Variants in KLHL5 observed in about 807,000 individuals in gnomAD.
KLHL5 encodes the protein kelch like family member 5.
Under a neutral mutation model 77.7 loss-of-function variants are expected in KLHL5, and 48 were observed. That is an observed-to-expected ratio of 0.62 (90% CI 0.49 to 0.79). The LOEUF (loss-of-function observed/expected upper bound fraction) is 0.79, where lower values mean the gene tolerates loss of function less well. Ranked by LOEUF, KLHL5 falls within the 30% of genes least tolerant of loss-of-function variation. The probability of loss-of-function intolerance (pLI) is 0.00; values close to 1 mark genes in which losing one functional copy is unlikely to be tolerated. For synonymous variants in KLHL5, 260 were observed against 297.0 expected (o/e 0.88, Z 1.28); for missense variants, 723 against 859.7 (o/e 0.84, Z 1.99).
chr4:39,141,465 C>T, the KLHL5 span, among the ~76,000 whole-genome samples: 2 of 151,956 alleles, frequency 1.3e-5, no homozygotes, highest in African/African-American at 2.4e-5. Context: ...CCCGCCACCA[C>T]GCCAGGCTAA....
Position 39,083,403 on chromosome 4 carries a change from C to T in KLHL5, c.900+1244C>T, listed in dbSNP as rs141323001. ...AGAAAATTATGGGAGGGAACAAAAG[C>T]ACTCACAAAACCACAGCCTTTAATG... On this transcript the variant is annotated intron_variant, in intron 4 of 10. Transcript: ENST00000504108. 9.4e-4 allele frequency among the ~76,000 whole-genome samples: 143 copies of T among 152,214 alleles called. 1 individual carries two copies. Among genetic ancestry groups the T allele is most frequent in the African/African-American group, 3.2e-3 (132 of 41,530 alleles).
chr4:39,050,417 G>A (rs1176461933), intron 1 of KLHL5, among the ~76,000 whole-genome samples: 1 of 152,196 alleles, frequency 6.6e-6, no homozygotes, highest in East Asian at 1.9e-4. Flanking sequence ...ATAACAGAAA[G>A]CTAGGAGCTA....
intron 1 of KLHL5, among the ~76,000 whole-genome samples, chr4:39,052,124 GTTA>G (rs1409684642): frequency 6.6e-6 from 1 of 151,674 alleles, no homozygotes; most frequent in Non-Finnish European, 1.5e-5. Context: ...TATTATTATT[GTTA>G]TTATTATTTT....
chr4:39,044,956 G>A, upstream of KLHL5: 1 of 844,078 alleles, frequency 1.2e-6, no homozygotes, highest in Non-Finnish European at 1.3e-6. Context: ...CGGGGATGAG[G>A]CTGCCCGGAC....
chr4:39,116,665 G>A (rs34803689), intron 10 of KLHL5, among the ~76,000 whole-genome samples: 79,450 of 151,544 alleles, frequency 0.52, 21,406 homozygotes, highest in Non-Finnish European at 0.59. Context: ...AAGTATGACT[G>A]GTTATAGGAT....
In KLHL5 at chr4:39,049,371, T is replaced by C. The variant is rs28498247; in HGVS notation, c.-95+4275T>C. 9.6e-3 allele frequency among the ~76,000 whole-genome samples: 1,467 copies of C among 152,314 alleles called. 31 individuals are homozygous for C. The highest frequency in any genetic ancestry group is 0.033 in the African/African-American group (1,377 of 41,558). On this transcript the variant is annotated intron_variant, in intron 1 of 11. Coordinates refer to the KLHL5 transcript ENST00000261425. ...TCATTCTTTTTAAATTGTATGTCCATTCAATAAACATTTGTTGAATGTGTA... is the reference window on the plus strand; with the variant it reads ...TCATTCTTTTTAAATTGTATGTCCACTCAATAAACATTTGTTGAATGTGTA...
chr4:39,080,957 A>G (rs1298685818), intron 2 of KLHL5, 146 bp from the exon 3 acceptor site: 3 of 694,390 alleles, frequency 4.3e-6, no homozygotes, highest in Non-Finnish European at 4.5e-6. Flanking sequence ...GGAAGGAACT[A>G]GAGCATAAAG....
At chr4:39,104,832 C>T (rs926947718) in intron 7 of KLHL5, among the ~76,000 whole-genome samples, 1 of 151,608 alleles carries the variant, frequency 6.6e-6, no homozygotes, top group Non-Finnish European at 1.5e-5. Flanking sequence ...GTGGCACAAT[C>T]TCGGCTCACT....
At chr4:39,090,287 A>G (rs1214586243) in intron 5 of KLHL5, among the ~76,000 whole-genome samples, 1 of 152,176 alleles carries the variant, frequency 6.6e-6, no homozygotes, top group African/African-American at 2.4e-5. Context: ...ATGAGATTTT[A>G]TTCTACTCTG....
upstream of KLHL5, among the ~76,000 whole-genome samples, chr4:39,060,962 T>TCAAA (rs1717365130): frequency 1.3e-5 from 2 of 152,230 alleles, no homozygotes; most frequent in Admixed American, 6.5e-5. Context: ...GGCTGGCTGA[T>TCAAA]CAAACTGATT....
chr4:39,066,042 A>G (rs964736702), intron 1 of KLHL5, among the ~76,000 whole-genome samples: 6 of 152,210 alleles, frequency 3.9e-5, no homozygotes, highest in African/African-American at 1.4e-4. Flanking sequence ...GACTTCTGGT[A>G]ATTTCTACTG....
At position 39,110,842 on chromosome 4, in the gene KLHL5, C is replaced by T. The variant is rs146080390; in HGVS notation, c.1689-2178C>T. On this transcript the variant is annotated intron_variant, in intron 8 of 10. Transcript: ENST00000504108. Reference sequence around the variant, plus strand: ...TATTATTAAGTATATATAGGTAGTACAATACTTTCACAACTTGACATAATA... The same window carrying T: ...TATTATTAAGTATATATAGGTAGTATAATACTTTCACAACTTGACATAATA... Among the ~76,000 whole-genome samples the T allele has an allele frequency of 1.6e-3, 249 of 152,208 alleles. 1 individual carries two copies. Among genetic ancestry groups the T allele is most frequent in the African/African-American group, 5.8e-3 (240 of 41,510 alleles).
Position 39,122,736 on chromosome 4 carries a change from C to A in KLHL5, c.*1670C>A, listed in dbSNP as rs947433714. Among the ~76,000 whole-genome samples, 21 of 151,990 alleles carry A rather than the reference C, an allele frequency of 1.4e-4. No individual in the cohort carries two copies. The highest frequency in any genetic ancestry group is 5.1e-4 in the African/African-American group (21 of 41,384). Reference sequence around the variant, plus strand: ...GCTGAGGCGGGAGAATGGCGTGAACCCAGGAGGAGGAGCTTGCAGTGTGCC... The same window carrying A: ...GCTGAGGCGGGAGAATGGCGTGAACACAGGAGGAGGAGCTTGCAGTGTGCC... On this transcript the variant is annotated 3_prime_UTR_variant, in exon 11 of 11. Coordinates refer to ENST00000504108, the MANE Select transcript of KLHL5 (RefSeq NM_015990.5).
chr4:39,125,993 A>G lies in KLHL5; in HGVS notation c.*4927A>G, dbSNP rs1470248472. Among the ~76,000 whole-genome samples the G allele has an allele frequency of 2.6e-5, 4 of 152,210 alleles. No individual in the cohort carries two copies. The highest frequency in any genetic ancestry group is 9.7e-5 in the African/African-American group (4 of 41,448). On this transcript the variant is annotated 3_prime_UTR_variant, in exon 11 of 11. Transcript: ENST00000504108. ...TTTGCAAATAAATGAATTTCTAAAA[A>G]TCTAACAGAAAGGCTCTTAAATCTT... is the stretch of plus-strand genomic sequence containing the variant.
chr4:39,047,414 T>A (rs1382518867), intron 1 of KLHL5, among the ~76,000 whole-genome samples: 4 of 152,160 alleles, frequency 2.6e-5, no homozygotes, highest in Admixed American at 1.3e-4. Context: ...TGAGACTCCA[T>A]CTCAAAAAAT....
At chr4:39,120,944 C>A in intron 10 of KLHL5, 66 bp from the exon 11 acceptor site, 1 of 1,219,480 alleles carries the variant, frequency 8.2e-7, no homozygotes. Flanking sequence ...AATATTTCAC[C>A]AACTGGCATA....
chr4:39,105,251 G>C (rs890006921), intron 7 of KLHL5, among the ~76,000 whole-genome samples: 6 of 151,208 alleles, frequency 4.0e-5, no homozygotes, highest in Admixed American at 4.0e-4. Flanking sequence ...GGCTAAAGCA[G>C]TCCTCCCACC....
intron 8 of KLHL5, among the ~76,000 whole-genome samples, chr4:39,111,242 G>A (rs1463329097): frequency 1.3e-5 from 2 of 152,166 alleles, no homozygotes; most frequent in Non-Finnish European, 2.9e-5. Context: ...TCATGTACTA[G>A]GCAGTGTTCA....
In KLHL5 at chr4:39,113,216, T is replaced by C. The variant is rs1387132940; in HGVS notation, c.1885T>C (p.Ser629Pro). The C allele has an allele frequency of 6.2e-7, 1 of 1,613,564 alleles. No individual in the cohort carries two copies. The highest frequency in any genetic ancestry group is 2.2e-5 in the East Asian group (1 of 44,890). ...CGCATCCAACTTGACTTCCAGACTCTCAGACTGTGTGGAAAGGTAATTTCC... is the reference window on the plus strand; with the variant it reads ...CGCATCCAACTTGACTTCCAGACTCCCAGACTGTGTGGAAAGGTAATTTCC... The part of the protein sequence containing the change: ...APASNLTSRL[S>P]DCVERYDPKT... The change falls in exon 9 of 11, where the codon TCA (serine) becomes CCA (proline). Residue 629 changes from serine to proline, a missense_variant. Ser to Pro is a moderately conservative substitution (Grantham distance 74, BLOSUM62 -1). Transcript: ENST00000504108.
Sources: gnomAD v4.1 joint callset for allele counts (sites outside exome capture counted in the v4.1 genomes callset) on GRCh38, gnomAD v4.1.1 for gene constraint, MANE v1.5 for transcripts, NCBI Gene and HGNC (gene_info 2026-07-23, HGNC 2026-07-21) for gene names.